The following DCAF6 variants were observed in gnomAD, a reference collection of about 807,000 sequenced individuals.
DCAF6 encodes the protein DDB1- and CUL4-associated factor 6.
A neutral mutation model predicts 125.1 loss-of-function variants in DCAF6; 54 were observed. The ratio of observed to expected loss-of-function variants is 0.43; its 90% CI spans 0.35 to 0.54. DCAF6 has a LOEUF of 0.54. Ranked by LOEUF, DCAF6 falls within the 20% of genes least tolerant of loss-of-function variation. DCAF6 has a pLI of 0.01. For missense variants in DCAF6, 934 were observed against 1,161.7 expected, an observed-to-expected ratio of 0.80 and a Z score of 2.85; for synonymous variants, 371 against 390.4, an observed-to-expected ratio of 0.95 and a Z score of 0.58.
At chr1:168,055,348 T>TTG (rs1690534255) in intron 17 of DCAF6, among the ~76,000 whole-genome samples, 1 of 43,534 alleles carries the variant, frequency 2.3e-5, no homozygotes, top group Non-Finnish European at 3.9e-5. Flanking sequence ...TTTTTTTTTT[T>TTG]TTTTTTTTTT....
chr1:167,875,235 A>G, the DCAF6 span: 1 of 1,566,288 alleles, frequency 6.4e-7, no homozygotes, highest in Non-Finnish European at 8.8e-7. Context: ...ACAGGGACAT[A>G]TTGAGAGCAA....
intron 21 of DCAF6, among the ~76,000 whole-genome samples, chr1:168,069,350 T>C (rs775293799): frequency 6.6e-6 from 1 of 152,198 alleles, no homozygotes; most frequent in Non-Finnish European, 1.5e-5. Flanking sequence ...TCTAGCTGAT[T>C]TACAGCATTC....
the DCAF6 span, chr1:167,899,540 C>G: frequency 6.2e-7 from 1 of 1,614,224 alleles, no homozygotes; most frequent in Non-Finnish European, 8.5e-7. Flanking sequence ...GGGCAAGGCG[C>G]ACATCGTCCA....
chr1:167,986,634 T>A (rs1445997653), intron 4 of DCAF6, among the ~76,000 whole-genome samples: 1 of 152,206 alleles, frequency 6.6e-6, no homozygotes, highest in African/African-American at 2.4e-5. Flanking sequence ...GTGCACAACC[T>A]GTGAGAAACA....
chr1:167,925,707 C>T, the DCAF6 span, among the ~76,000 whole-genome samples: 4 of 151,336 alleles, frequency 2.6e-5, no homozygotes, highest in Admixed American at 6.6e-5. Flanking sequence ...CCACCACACC[C>T]GGCTAATTTT....
rs145383858 is a variant in DCAF6, at chr1:168,045,200, C to T, written c.2231C>T (p.Ala744Val). The change falls in exon 16 of 22, where the codon GCA becomes GTA. Residue 744 changes from alanine to valine, a missense_variant. Around this residue, in one of 5 missense-constraint regions of DCAF6, gnomAD observed 559 missense variants for 635.5 expected, o/e 0.88. Coordinates refer to ENST00000367840, the MANE Select transcript of DCAF6 (RefSeq NM_001198956.2). ...SDDDPVLIPG[A>V]RYRAGPGDRF... The stretch of plus-strand genomic sequence containing the variant: ...GATGACCCAGTCCTGATCCCAGGTG[C>T]AAGGTATCGAGCAGGACCTGGTGAT... 208 of 1,613,154 alleles carry T rather than the reference C, an allele frequency of 1.3e-4. No individual in the cohort carries two copies. The highest frequency in any genetic ancestry group is 1.6e-4 in the Non-Finnish European group (193 of 1,179,656).
chr1:167,869,640 T>C, the DCAF6 span, among the ~76,000 whole-genome samples: 1 of 152,162 alleles, frequency 6.6e-6, no homozygotes, highest in Admixed American at 6.5e-5. Context: ...TGGAAGGACA[T>C]TGTGAAATCT....
chr1:167,954,127 C>T (rs1674397062), intron 2 of DCAF6, among the ~76,000 whole-genome samples: 1 of 152,054 alleles, frequency 6.6e-6, no homozygotes, highest in Non-Finnish European at 1.5e-5. Flanking sequence ...GTGCCTCAGC[C>T]TCCTGAGAAG....
At chr1:168,008,929 TTCTC>T (rs1414898068) in intron 10 of DCAF6, among the ~76,000 whole-genome samples, 87 of 136,160 alleles carry the variant, frequency 6.4e-4, no homozygotes, top group African/African-American at 1.9e-3. Context: ...CTTGCTTGCT[TTCTC>T]TCTCTCTCTT....
In DCAF6 at chr1:167,991,329, A is replaced by C; in HGVS notation, c.678A>C (p.Thr226=). 6.2e-7 allele frequency: 1 copy of C among 1,611,532 alleles called. No individual in the cohort carries two copies. The change falls in exon 6 of 22, where the codon ACA becomes ACC. Residue 226 remains threonine, a synonymous_variant. Coordinates refer to ENST00000367840, the MANE Select transcript of DCAF6 (RefSeq NM_001198956.2). The part of the protein sequence containing the change: ...VRIYDRRMLG[T]RATGNYAGRG... ...TATATGATCGGCGAATGCTGGGCAC[A>C]AGAGCTACAGGTAAGAAGATAATAT...
At chr1:167,884,318 G>A in the DCAF6 span, among the ~76,000 whole-genome samples, 5 of 152,078 alleles carry the variant, frequency 3.3e-5, no homozygotes, top group African/African-American at 1.2e-4. Context: ...CTTCTTATAT[G>A]GCCAGAGGAG....
the DCAF6 span, chr1:167,920,681 T>C: frequency 5.6e-5 from 86 of 1,543,928 alleles, no homozygotes; most frequent in African/African-American, 1.1e-3. Flanking sequence ...TGTGGAGTAA[T>C]AGTTTTAACT....
At chr1:167,872,690 G>A in the DCAF6 span, among the ~76,000 whole-genome samples, 1 of 150,888 alleles carries the variant, frequency 6.6e-6, no homozygotes, top group Non-Finnish European at 1.5e-5. Flanking sequence ...TCTGTGTTTG[G>A]TTATAGCTTG....
At chr1:167,916,913 A>G in the DCAF6 span, 4 of 152,234 alleles carry the variant, frequency 2.6e-5, no homozygotes, top group African/African-American at 7.2e-5. Context: ...ATTGTGGCCT[A>G]TGTCAAGCTC....
the DCAF6 span, chr1:167,893,838 C>A: frequency 1.3e-6 from 2 of 1,578,956 alleles, no homozygotes; most frequent in African/African-American, 1.4e-5. Flanking sequence ...CCAGTAAATT[C>A]AATTTTGAAA....
intron 12 of DCAF6, among the ~76,000 whole-genome samples, chr1:168,036,719 C>G (rs930311879): frequency 6.6e-6 from 1 of 151,984 alleles, no homozygotes; most frequent in African/African-American, 2.4e-5. Flanking sequence ...TCTATTAATT[C>G]AGTTATTTAT....
intron 21 of DCAF6, among the ~76,000 whole-genome samples, chr1:168,073,212 G>C (rs1034756055): frequency 1.3e-5 from 2 of 152,098 alleles, no homozygotes; most frequent in Non-Finnish European, 2.9e-5. Flanking sequence ...AGTATACATA[G>C]AAGTGATTCT....
chr1:167,976,593 C>A (rs565670952), intron 4 of DCAF6, among the ~76,000 whole-genome samples: 2 of 152,252 alleles, frequency 1.3e-5, no homozygotes, highest in South Asian at 4.1e-4. Context: ...CTGGAGGTTA[C>A]CCCAGCTACT....
At chr1:168,064,636 C>A (rs181751940) in intron 18 of DCAF6, among the ~76,000 whole-genome samples, 4 of 152,218 alleles carry the variant, frequency 2.6e-5, no homozygotes, top group African/African-American at 9.6e-5. Flanking sequence ...ATTTATATTT[C>A]TTGCATTTTA....
Sources: gnomAD v4.1 joint callset for allele counts (sites outside exome capture counted in the v4.1 genomes callset) on GRCh38, gnomAD v4.1.1 for gene constraint, gnomAD v4.1.1 regional missense constraint, MANE v1.5 for transcripts, NCBI Gene and HGNC (gene_info 2026-07-23, HGNC 2026-07-21) for gene names.